Variants in LMF1 observed in about 807,000 individuals in gnomAD.
LMF1 encodes the protein transmembrane protein 112.
LMF1 carries 68 observed loss-of-function variants against 60.6 expected under a neutral mutation model. That is an observed-to-expected ratio of 1.12 (90% CI 0.92 to 1.37). The LOEUF (loss-of-function observed/expected upper bound fraction) is 1.37, where lower values mean the gene tolerates loss of function less well. Ranked by LOEUF, LMF1 falls within the 40% of genes most tolerant of loss-of-function variation. The pLI is 0.00. For missense variants in LMF1, 948 were observed against 767.2 expected (o/e 1.24, Z -2.78); for synonymous variants, 418 against 324.7 (o/e 1.29, Z -3.09).
chr16:855,602 C>T lies in LMF1; in HGVS notation c.1530-896G>A, dbSNP rs79192049. 1.3e-3 allele frequency: 565 copies of T among 424,086 alleles called. 4 individuals carry two copies. Among genetic ancestry groups the T allele is most frequent in the African/African-American group, 9.9e-3 (488 of 49,206 alleles). 26.3% of individuals were successfully genotyped at this position (424,086 alleles called of 1,614,324 possible). On this transcript the variant is annotated intron_variant, in intron 10 of 10. Coordinates refer to ENST00000262301, the MANE Select transcript of LMF1 (RefSeq NM_022773.4). ...AAGCTCCCGGCCCTCCAGGCCCCTTCGCAGTTGTGCAGCAGGAGCGGAAGC... is the reference window on the plus strand; with the variant it reads ...AAGCTCCCGGCCCTCCAGGCCCCTTTGCAGTTGTGCAGCAGGAGCGGAAGC...
chr16:911,011 T>C lies in LMF1; in HGVS notation c.583A>G (p.Arg195Gly). The change falls in exon 4 of 11, where the codon AGG becomes GGG. Residue 195 changes from arginine (R) to glycine (G), a missense_variant. Transcript: ENST00000262301. ...GATGTGGGGGTATGCTGGGGCAGCC[T>C]TGACAGCGTCCACAGAGGGCACAGG... ...IFLCPLWTLS[R>G]LPQHTPTSRI... 1 of 1,613,054 alleles carries C rather than the reference T, an allele frequency of 6.2e-7. No individual in the cohort carries two copies. The highest frequency in any genetic ancestry group is 8.5e-7 in the Non-Finnish European group (1 of 1,179,840).
intron 3 of LMF1, among the ~76,000 whole-genome samples, chr16:921,580 G>A (rs983206218): frequency 2.6e-5 from 4 of 152,332 alleles, no homozygotes; most frequent in East Asian, 1.9e-4. Context: ...TGGGGATGAC[G>A]GGACTTTCTG....
chr16:920,421 G>A (rs911505003), intron 3 of LMF1, among the ~76,000 whole-genome samples: 2 of 152,222 alleles, frequency 1.3e-5, no homozygotes, highest in Non-Finnish European at 2.9e-5. Flanking sequence ...CTCGGAGGAA[G>A]GCCAGGCCCA....
chr16:940,712 C>G (rs1280906538), intron 2 of LMF1, among the ~76,000 whole-genome samples: 1 of 152,192 alleles, frequency 6.6e-6, no homozygotes, highest in Non-Finnish European at 1.5e-5. Flanking sequence ...CGTGTTAAAC[C>G]TACTGCAGCT....
intron 7 of LMF1, 129 bp downstream of exon 7, chr16:871,032 C>T (rs544597597): frequency 9.3e-5 from 129 of 1,390,096 alleles, no homozygotes; most frequent in African/African-American, 8.9e-4. Flanking sequence ...GTTCCTGGCA[C>T]GCTACACTGC....
At chr16:864,805 A>G (rs2069567590) in intron 10 of LMF1, among the ~76,000 whole-genome samples, 1 of 151,328 alleles carries the variant, frequency 6.6e-6, no homozygotes, top group Non-Finnish European at 1.5e-5. Context: ...TTGTATTTTT[A>G]GTAAAGAGGG....
In LMF1 at chr16:879,629, A is replaced by C. The variant is rs372333537; in HGVS notation, c.838T>G (p.Phe280Val). The change falls in exon 6 of 11, where the codon TTC (phenylalanine) becomes GTC (valine). Residue 280 changes from phenylalanine (F) to valine (V), a missense_variant. Physicochemically the swap from Phe to Val is conservative, Grantham distance 50. Transcript: ENST00000262301. ...CACGCCCGCCGGCCGAGGAAGAGGA[A>C]GAAGGGCACCAGGAGCTCGATGAAG... ...NHFIELLVPF[F>V]LFLGRRACII... The C allele has an allele frequency of 1.5e-5, 24 of 1,613,420 alleles. No homozygotes were observed. The highest frequency in any genetic ancestry group is 1.9e-5 in the Non-Finnish European group (23 of 1,179,756).
chr16:855,078 C>T (rs765057036), intron 10 of LMF1: 39 of 341,690 alleles, frequency 1.1e-4, no homozygotes, highest in African/African-American at 6.5e-4. Flanking sequence ...AAGTGTCCCC[C>T]GCCTGGGAAG....
At position 874,133 on chromosome 16, in the gene LMF1, G is replaced by C. The variant is rs8045528; in HGVS notation, c.898-2792C>G. On this transcript the variant is annotated intron_variant, in intron 6 of 10. Transcript: ENST00000262301. This position sits in a 1 kb window ranked among gnomAD's most constrained non-coding sequence, Gnocchi z 4.1. ...GGCGGTTGCATCACGCTGTGAACGT[G>C]CTGGAGGCCCCCGAGTTCACTTCAA... is the stretch of plus-strand genomic sequence containing the variant. 7.9e-5 allele frequency among the ~76,000 whole-genome samples: 12 copies of C among 152,006 alleles called. No homozygotes were observed. Among genetic ancestry groups the C allele is most frequent in the Admixed American group, 7.9e-4 (12 of 15,276 alleles).
intron 6 of LMF1, 29 bp downstream of exon 6, chr16:879,541 A>ACGGGG (rs1252258406): frequency 6.2e-7 from 1 of 1,608,566 alleles, no homozygotes; most frequent in Non-Finnish European, 8.5e-7. Context: ...CTCTGTGGAC[A>ACGGGG]CGGGGCAGGG....
chr16:936,837 G>A (rs552294922), intron 2 of LMF1, among the ~76,000 whole-genome samples: 15 of 152,316 alleles, frequency 9.8e-5, no homozygotes, highest in Non-Finnish European at 2.2e-4. Context: ...GTGTGGTGGC[G>A]CACACCTGTA....
Position 897,163 on chromosome 16 carries a change from C to G in LMF1, c.664-4091G>C, listed in dbSNP as rs1026946904. Reference sequence around the variant, plus strand: ...ACGTGTGGCTGCAGCAGCTCTTCTCCTGATGCCTGTGTGTCCTGGGACACA... The same window carrying G: ...ACGTGTGGCTGCAGCAGCTCTTCTCGTGATGCCTGTGTGTCCTGGGACACA... On this transcript the variant is annotated intron_variant, in intron 4 of 10. Coordinates refer to ENST00000262301, the MANE Select transcript of LMF1 (RefSeq NM_022773.4). This position sits in a 1 kb window ranked among gnomAD's most constrained non-coding sequence, Gnocchi z 4.3. Among the ~76,000 whole-genome samples the G allele has an allele frequency of 6.6e-6, 1 of 152,234 alleles. No individual in the cohort carries two copies. The highest frequency in any genetic ancestry group is 2.4e-5 in the African/African-American group (1 of 41,458).
At chr16:979,641 G>A (rs1337943378) in intron 1 of LMF1, 5 of 453,968 alleles carry the variant, frequency 1.1e-5, no homozygotes, top group Non-Finnish European at 2.2e-5. Context: ...TGGATGGGGA[G>A]CCAGGAAGAG....
Position 878,201 on chromosome 16 carries a change from G to A in LMF1, c.897+1369C>T, listed in dbSNP as rs561120804. 2.0e-5 allele frequency among the ~76,000 whole-genome samples: 3 copies of A among 152,314 alleles called. No homozygotes were observed. The highest frequency in any genetic ancestry group is 4.1e-4 in the South Asian group (2 of 4,826). On this transcript the variant is annotated intron_variant, in intron 6 of 10. Coordinates refer to ENST00000262301, the MANE Select transcript of LMF1 (RefSeq NM_022773.4). This position sits in a 1 kb window ranked among gnomAD's most constrained non-coding sequence, Gnocchi z 5.2. ...GCTATTCCAGGAGCCCTGAGCAGCTGCAGAGAGAAACGTGCGGTCCTGGCT... is the reference window on the plus strand; with the variant it reads ...GCTATTCCAGGAGCCCTGAGCAGCTACAGAGAGAAACGTGCGGTCCTGGCT...
chr16:854,684 T>C lies in LMF1; in HGVS notation c.1552A>G (p.Arg518Gly), dbSNP rs756488965. ...CCCCCAGGACGGCTGAACTTGTACC[T>C]GTAGTGCTCTCCTCGGACCCACCTG... is the stretch of plus-strand genomic sequence containing the variant. ...PPRWVRGEHY[R>G]YKFSRPGGRH... is the part of the protein sequence containing the mutation. The change falls in exon 11 of 11, where the codon AGG (arginine) becomes GGG (glycine). Residue 518 changes from arginine (R) to glycine (G), a missense_variant. Physicochemically the swap from Arg to Gly is moderately radical, Grantham distance 125. Transcript: ENST00000262301. The C allele has an allele frequency of 4.4e-6, 7 of 1,599,232 alleles. No homozygotes were observed. The highest frequency in any genetic ancestry group is 1.7e-5 in the Admixed American group (1 of 59,160).
chr16:867,646 A>G (rs2069648692), intron 10 of LMF1, among the ~76,000 whole-genome samples: 1 of 152,134 alleles, frequency 6.6e-6, no homozygotes, highest in Non-Finnish European at 1.5e-5. Flanking sequence ...GCTTGATGCC[A>G]ATTCACAGGA....
intron 3 of LMF1, 36 bp downstream of exon 3, chr16:934,208 C>T (rs1168410985): frequency 1.1e-5 from 18 of 1,599,246 alleles, no homozygotes; most frequent in Non-Finnish European, 1.4e-5. Flanking sequence ...CAACGCTCAA[C>T]TCTCGCAGAG....
chr16:916,448 CAG>C (rs1161235070), intron 3 of LMF1, among the ~76,000 whole-genome samples: 1 of 152,210 alleles, frequency 6.6e-6, no homozygotes, highest in African/African-American at 2.4e-5. Flanking sequence ...TTCATTTTTA[CAG>C]GTTATATTTT....
At chr16:936,656 C>T (rs781616338) in intron 2 of LMF1, among the ~76,000 whole-genome samples, 1 of 152,216 alleles carries the variant, frequency 6.6e-6, no homozygotes, top group Non-Finnish European at 1.5e-5. Context: ...TCCCTGCCCC[C>T]CTTTCCGTGA....
Sources: allele counts gnomAD v4.1 joint callset (sites outside exome capture counted in the v4.1 genomes callset), GRCh38; gene constraint gnomAD v4.1.1; non-coding constraint Gnocchi (gnomAD v3.1); transcripts MANE v1.5; gene names NCBI Gene and HGNC (gene_info 2026-07-23, HGNC 2026-07-21).